SEPTIN9: variants seen among roughly 807,000 people sequenced by gnomAD.
SEPTIN9 encodes septin-9.
Under a neutral mutation model 56.6 loss-of-function variants are expected in SEPTIN9, and 13 were observed. The observed-to-expected ratio is 0.23, with a 90% CI of 0.15 to 0.37. The LOEUF is 0.37. SEPTIN9 is among the 10% of genes least tolerant of loss of function. SEPTIN9 has a pLI of 1.00. For synonymous variants in SEPTIN9, 332 were observed against 334.1 expected (o/e 0.99, Z 0.07); for missense variants, 650 against 823.1 (o/e 0.79, Z 2.57).
intron 1 of SEPTIN9, among the ~76,000 whole-genome samples, chr17:77,301,427 TG>T (rs2032052831): frequency 6.6e-6 from 1 of 151,582 alleles, no homozygotes; most frequent in Non-Finnish European, 1.5e-5. Context: ...TGTGTGTGTG[TG>T]TGTGTGTGTG....
chr17:77,311,279 A>G (rs1215970854), intron 2 of SEPTIN9, among the ~76,000 whole-genome samples: 1 of 130,106 alleles, frequency 7.7e-6, no homozygotes, highest in Non-Finnish European at 1.6e-5. Flanking sequence ...TGACACCTTG[A>G]TTTTGGACCT....
chr17:77,468,797 G>C (rs2038857415), intron 3 of SEPTIN9, among the ~76,000 whole-genome samples: 1 of 152,226 alleles, frequency 6.6e-6, no homozygotes, highest in Non-Finnish European at 1.5e-5. Flanking sequence ...GAGGGATTCG[G>C]ACAGGGGCAG....
rs1233757685 is a variant in SEPTIN9, at chr17:77,453,585, A to G, written c.722-28559A>G. On this transcript the variant is annotated intron_variant, in intron 3 of 11. Coordinates refer to ENST00000427177, the MANE Select transcript of SEPTIN9 (RefSeq NM_001113491.2). This position sits in a 1 kb window ranked among gnomAD's most constrained non-coding sequence, Gnocchi z 4.4. ...GTGCTACTGCACTCCAGTCTGGGCA[A>G]CAAGAGTGAAACTCTGTCTCAAAAA... Among the ~76,000 whole-genome samples, 1 of 151,538 alleles carries G rather than the reference A, an allele frequency of 6.6e-6. No individual in the cohort carries two copies. Among genetic ancestry groups the G allele is most frequent in the Non-Finnish European group, 1.5e-5 (1 of 67,878 alleles).
At chr17:77,441,673 C>T (rs9915189) in intron 3 of SEPTIN9, among the ~76,000 whole-genome samples, 17,427 of 152,208 alleles carry the variant, frequency 0.11, 3,033 homozygotes, top group African/African-American at 0.38. Flanking sequence ...TGACTTTTTA[C>T]ACCCCAGTGA....
At chr17:77,496,769 CCCCTGTGTGTGT>C (rs772440457) in intron 10 of SEPTIN9, among the ~76,000 whole-genome samples, 1 of 152,248 alleles carries the variant, frequency 6.6e-6, no homozygotes, top group Non-Finnish European at 1.5e-5. Flanking sequence ...CAGTACGTAG[CCCCTGTGTGTGT>C]CCCTGTGTGT....
rs550788792 is a variant in SEPTIN9 at position 77,449,027 on chromosome 17, G to C, written c.722-33117G>C. Among the ~76,000 whole-genome samples the C allele has an allele frequency of 6.6e-6, 1 of 152,068 alleles. No homozygotes were observed. The highest frequency in any genetic ancestry group is 1.5e-5 in the Non-Finnish European group (1 of 68,030). On this transcript the variant is annotated intron_variant, in intron 3 of 11. Transcript: ENST00000427177. The surrounding 1 kb of genome is among the most constrained non-coding windows in gnomAD (Gnocchi z 4.6). Reference sequence around the variant, plus strand: ...TTGAACTCCTGACCTCAGGTGATCTGCCCACCTCAGCCTCCCAAAGTGCTG... The same window carrying C: ...TTGAACTCCTGACCTCAGGTGATCTCCCCACCTCAGCCTCCCAAAGTGCTG...
Position 77,498,711 on chromosome 17 carries a change from C to CA in SEPTIN9, c.*53_*54insA, listed in dbSNP as rs948050985. On this transcript the variant is annotated 3_prime_UTR_variant, in exon 12 of 12. Coordinates refer to ENST00000427177, the MANE Select transcript of SEPTIN9 (RefSeq NM_001113491.2). ...TGCCCCCAAGTCATTTCCGTCCCCC[C>CA]CCAGGCCCTCCCACCACCCCATTTT... 16 of 1,108,842 alleles carry CA rather than the reference C, an allele frequency of 1.4e-5. No individual in the cohort carries two copies. Among genetic ancestry groups the CA allele is most frequent in the South Asian group, 5.3e-5 (4 of 75,112 alleles). The allele number at this position is 1,108,842 out of a possible 1,614,324, so 68.7% of individuals were successfully genotyped here. A position where few individuals can be genotyped will look rare whatever the true frequency, so the allele number is the denominator to read the frequency against.
intron 2 of SEPTIN9, among the ~76,000 whole-genome samples, chr17:77,382,737 G>T (rs922163831): frequency 6.6e-6 from 1 of 152,186 alleles, no homozygotes; most frequent in Non-Finnish European, 1.5e-5. Flanking sequence ...ACCCTTGGCC[G>T]CCTGGGCCCC....
Position 77,497,440 on chromosome 17 carries a change from G to A in SEPTIN9, c.1625+74G>A, listed in dbSNP as rs915320344. On this transcript the variant is annotated intron_variant, in intron 11 of 11. Coordinates refer to ENST00000427177, the MANE Select transcript of SEPTIN9 (RefSeq NM_001113491.2). ...GGCCCTACAGCGGGTGGGGGCAGTG[G>A]GTGTGGGGCCGAAGCCCTGGGCAGA... 17 of 1,437,104 alleles carry A rather than the reference G, an allele frequency of 1.2e-5. No individual in the cohort carries two copies. In the Middle Eastern group the frequency reaches 7.4e-4, roughly 63 times the overall value. 89.0% of individuals were successfully genotyped at this position (1,437,104 alleles called of 1,614,324 possible). A position where few individuals can be genotyped will look rare whatever the true frequency, so the allele number is the denominator to read the frequency against.
intron 3 of SEPTIN9, among the ~76,000 whole-genome samples, chr17:77,458,411 G>A (rs1207885312): frequency 6.6e-6 from 1 of 152,230 alleles, no homozygotes; most frequent in South Asian, 2.1e-4. Flanking sequence ...CTGGCTCCAG[G>A]CTCTAAAACC....
At chr17:77,361,924 G>A (rs2034432260) in intron 2 of SEPTIN9, among the ~76,000 whole-genome samples, 2 of 152,208 alleles carry the variant, frequency 1.3e-5, no homozygotes, top group South Asian at 2.1e-4. Context: ...GAGCCACCGC[G>A]CCCGGCCAAG....
chr17:77,462,930 C>G (rs1263647900), intron 3 of SEPTIN9, among the ~76,000 whole-genome samples: 1 of 152,222 alleles, frequency 6.6e-6, no homozygotes, highest in Non-Finnish European at 1.5e-5. Context: ...GTGTGAGCTG[C>G]TGTGCCTAGC....
At chr17:77,431,650 G>A (rs978946875) in intron 3 of SEPTIN9, among the ~76,000 whole-genome samples, 19 of 151,838 alleles carry the variant, frequency 1.3e-4, no homozygotes, top group South Asian at 1.2e-3. Context: ...GCAACATGGC[G>A]AAACTCCATC....
chr17:77,286,683 G>C (rs1022012065), intron 1 of SEPTIN9, among the ~76,000 whole-genome samples: 2 of 152,208 alleles, frequency 1.3e-5, no homozygotes, highest in Non-Finnish European at 2.9e-5. Context: ...CCTAGAGGTG[G>C]CCCCTGTTTC....
rs564540314 is a variant in SEPTIN9, at chr17:77,434,218, C to T, written c.721+31515C>T. On this transcript the variant is annotated intron_variant, in intron 3 of 11. Transcript: ENST00000427177. The surrounding 1 kb of genome is among the most constrained non-coding windows in gnomAD (Gnocchi z 5.0). The stretch of plus-strand genomic sequence containing the variant: ...TGTCTGCGGAAAGTGCCCTAGGATA[C>T]GGTGGCAGGACTGGCTGGGGTTCTG... Among the ~76,000 whole-genome samples the T allele has an allele frequency of 7.9e-4, 120 of 152,250 alleles. No individual in the cohort carries two copies. The highest frequency in any genetic ancestry group is 1.2e-3 in the Non-Finnish European group (82 of 67,998).
intron 2 of SEPTIN9, among the ~76,000 whole-genome samples, chr17:77,356,972 G>C (rs1167832026): frequency 1.3e-5 from 2 of 151,688 alleles, no homozygotes; most frequent in African/African-American, 4.8e-5. Context: ...ACACCTGCCA[G>C]GTCACTAGAA....
At chr17:77,406,125 C>A (rs1454710339) in intron 3 of SEPTIN9, among the ~76,000 whole-genome samples, 1 of 152,214 alleles carries the variant, frequency 6.6e-6, no homozygotes, top group African/African-American at 2.4e-5. Flanking sequence ...AGACTGACTT[C>A]CCCAAAGCAC....
chr17:77,373,314 G>A (rs1022044119), intron 2 of SEPTIN9: 2 of 1,162,782 alleles, frequency 1.7e-6, no homozygotes, highest in East Asian at 3.9e-5. Flanking sequence ...GCGGGGAGGG[G>A]CCGGCGCCCG....
Position 77,307,149 on chromosome 17 carries a change from C to G in SEPTIN9, c.28C>G (p.Arg10Gly), listed in dbSNP as rs199618012. The G allele has an allele frequency of 1.2e-5, 19 of 1,613,914 alleles. No individual in the cohort carries two copies. The East Asian group carries it at 3.8e-4, about 32-fold the overall frequency. Residue 10 changes from arginine (R) to glycine (G), a missense_variant, in exon 2 of 12, where the codon CGG becomes GGG. Physicochemically the swap from Arg to Gly is moderately radical, Grantham distance 125. This residue lies in a region of SEPTIN9 where 317 missense variants were observed against 329.1 expected (regional missense o/e 0.96). Transcript: ENST00000427177. MKKSYSGGT[R>G]TSSGRLRRLG... ...TTTGTCTCTGTCTTTAGGAGGCACG[C>G]GGACCTCCAGTGGCCGGCTCCGGAG...
Sources: gnomAD v4.1 joint callset for allele counts (sites outside exome capture counted in the v4.1 genomes callset) on GRCh38, gnomAD v4.1.1 for gene constraint, gnomAD v4.1.1 regional missense constraint, Gnocchi (gnomAD v3.1) non-coding constraint, MANE v1.5 for transcripts, NCBI Gene and HGNC (gene_info 2026-07-23, HGNC 2026-07-21) for gene names.